BRD2: variants seen among roughly 807,000 people sequenced by gnomAD.
BRD2 encodes bromodomain containing 2, also known as bromodomain-containing protein 2.
Under a neutral mutation model 79.1 loss-of-function variants are expected in BRD2, and 15 were observed. That is an observed-to-expected ratio of 0.19 (90% CI 0.13 to 0.29). The LOEUF (loss-of-function observed/expected upper bound fraction) is 0.29, where lower values mean the gene tolerates loss of function less well. BRD2 is among the 10% of genes least tolerant of loss of function. BRD2 has a pLI of 1.00. For missense variants in BRD2, 1,053 were observed against 991.3 expected (o/e 1.06, Z -0.84); for synonymous variants, 488 against 358.6 (o/e 1.36, Z -4.08).
Position 32,976,635 on chromosome 6 carries a change from C to G in BRD2, c.899C>G (p.Ala300Gly), listed in dbSNP as rs745351919. The G allele has an allele frequency of 1.9e-6, 3 of 1,611,994 alleles. No individual in the cohort carries two copies. Among genetic ancestry groups the G allele is most frequent in the South Asian group, 1.1e-5 (1 of 91,092 alleles). The change falls in exon 7 of 13, where the codon GCT becomes GGT. Residue 300 changes from alanine (A) to glycine (G), a missense_variant. Ala to Gly is a moderately conservative substitution (Grantham distance 60, BLOSUM62 0). This residue lies in a region of BRD2 where 454 missense variants were observed against 430.5 expected (regional missense o/e 1.05). Coordinates refer to ENST00000374825, the MANE Select transcript of BRD2 (RefSeq NM_005104.4). ...GCCATCTTGGCTCCTGGTTCTCCAG[C>G]TAGCCCTCCTGGGAGTCTTGAGCCT... ...PTAILAPGSP[A>G]SPPGSLEPKA...
chr6:32,974,787 G>C (rs567942048), intron 3 of BRD2, 22 bp downstream of exon 3: 8 of 1,606,712 alleles, frequency 5.0e-6, no homozygotes, highest in South Asian at 3.3e-5. Context: ...CATTGGAGCC[G>C]GGGAGGTGTG....
intron 1 of BRD2, 198 bp downstream of exon 1, chr6:32,969,254 C>G: frequency 1.5e-6 from 1 of 647,072 alleles, no homozygotes; most frequent in South Asian, 1.6e-5. Flanking sequence ...GAATGGCCAG[C>G]CTCATGCCTC....
In BRD2 at chr6:32,975,432, A is replaced by T; in HGVS notation, c.382A>T (p.Arg128Trp). ...GCCTATGGACATGGGTACTATTAAG[A>T]GGAGACTTGAAAACAATTATTATTG... ...KQPMDMGTIK[R>W]RLENNYYWAA... Residue 128 changes from arginine (R) to tryptophan (W), a missense_variant, in exon 4 of 13, where the codon AGG becomes TGG. Arg to Trp is a moderately radical substitution (Grantham distance 101). Transcript: ENST00000374825. 1 of 1,611,300 alleles carries T rather than the reference A, an allele frequency of 6.2e-7. No homozygotes were observed. Among genetic ancestry groups the T allele is most frequent in the Non-Finnish European group, 8.5e-7 (1 of 1,178,512 alleles).
intron 2 of BRD2, among the ~76,000 whole-genome samples, chr6:32,974,240 A>G (rs1224982969): frequency 6.6e-6 from 1 of 152,198 alleles, no homozygotes; most frequent in African/African-American, 2.4e-5. Flanking sequence ...CAGACTTAAG[A>G]AGGTGGGATC....
At chr6:32,975,578 T>C (rs1778631490) in intron 4 of BRD2, 57 bp downstream of exon 4, 4 of 1,582,462 alleles carry the variant, frequency 2.5e-6, no homozygotes, top group South Asian at 2.2e-5. Flanking sequence ...CTTCTATTAT[T>C]GCTGGATATG....
rs986759853 is a variant in BRD2, at chr6:32,981,497, G to A, written c.*779G>A. ...TTTTAATAAAGTAAATATGACTTTT[G>A]TAAATTGAGTCCTTAGAAGTAATCT... On this transcript the variant is annotated 3_prime_UTR_variant, in exon 13 of 13. Coordinates refer to ENST00000374825, the MANE Select transcript of BRD2 (RefSeq NM_005104.4). The A allele has an allele frequency of 1.3e-5, 2 of 152,076 alleles. No individual in the cohort carries two copies. The highest frequency in any genetic ancestry group is 4.8e-5 in the African/African-American group (2 of 41,392). 9.4% of individuals were successfully genotyped at this position (152,076 alleles called of 1,614,324 possible).
rs1424491957 is a variant in BRD2 at position 32,971,869 on chromosome 6, C to T, written c.-1030C>T. The T allele has an allele frequency of 8.6e-6, 6 of 701,334 alleles. No homozygotes were observed. The highest frequency in any genetic ancestry group is 5.9e-5 in the South Asian group (4 of 67,496). 43.4% of individuals were successfully genotyped at this position (701,334 alleles called of 1,614,324 possible). On this transcript the variant is annotated 5_prime_UTR_variant, in exon 2 of 13. Transcript: ENST00000374825. ...TGGCTTCCGCACCTCTTCCAACCAC[C>T]CTCTTTCCCTGGAGTCGGCGGACCA...
chr6:32,969,103 C>G, intron 1 of BRD2, 47 bp downstream of exon 1: 1 of 515,238 alleles, frequency 1.9e-6, no homozygotes, highest in Non-Finnish European at 3.5e-6. Flanking sequence ...AAGTGCTTAA[C>G]CAATGGTGGG....
In BRD2 at chr6:32,972,006, C is replaced by T. The variant is rs116880340; in HGVS notation, c.-893C>T. 1,083 of 702,466 alleles carry T rather than the reference C, an allele frequency of 1.5e-3. 19 individuals carry two copies. The East Asian group carries it at 0.027, about 18-fold the overall frequency. 43.5% of individuals were successfully genotyped at this position (702,466 alleles called of 1,614,324 possible). A position where few individuals can be genotyped will look rare whatever the true frequency, so the allele number is the denominator to read the frequency against. On this transcript the variant is annotated 5_prime_UTR_variant, in exon 2 of 13. Coordinates refer to ENST00000374825, the MANE Select transcript of BRD2 (RefSeq NM_005104.4). ...TTGGAAATGAAGTTTATGACGTCAT[C>T]GTTGCGGCTGGCCAATAGAAAAAGC... is the stretch of plus-strand genomic sequence containing the variant.
At position 32,972,836 on chromosome 6, in the gene BRD2, A is replaced by G; in HGVS notation, c.-63A>G. The G allele has an allele frequency of 1.9e-6, 3 of 1,612,378 alleles. No homozygotes were observed. The South Asian group carries it at 3.3e-5, about 18-fold the overall frequency. ...GCGGGTTATGCTGGACCGGGCGGTG[A>G]GGGGAACCGAGGCCACCCGGACTTT... On this transcript the variant is annotated 5_prime_UTR_variant, in exon 2 of 13. Transcript: ENST00000374825.
intron 3 of BRD2, chr6:32,975,174 G>A (rs755209594): frequency 5.4e-5 from 75 of 1,393,412 alleles, no homozygotes; most frequent in Non-Finnish European, 6.5e-5. Context: ...GAGAAAGGCA[G>A]CAGGGGCCTC....
chr6:32,974,870 T>C (rs905633110), intron 3 of BRD2, 105 bp downstream of exon 3: 12 of 1,440,248 alleles, frequency 8.3e-6, no homozygotes, highest in Admixed American at 2.1e-5. Flanking sequence ...GGAGTTCCCA[T>C]TTCTCCCCTG....
rs753437677 is a variant in BRD2 at position 32,972,029 on chromosome 6, A to G, written c.-870A>G. 3 of 701,640 alleles carry G rather than the reference A, an allele frequency of 4.3e-6. No homozygotes were observed. The highest frequency in any genetic ancestry group is 2.6e-6 in the Non-Finnish European group (1 of 384,782). 43.5% of individuals were successfully genotyped at this position (701,640 alleles called of 1,614,324 possible). ...ATCGTTGCGGCTGGCCAATAGAAAA[A>G]GCTCCCGCGGAGAGGTGTTCCTTCC... is the stretch of plus-strand genomic sequence containing the variant. On this transcript the variant is annotated 5_prime_UTR_variant, in exon 2 of 13. Transcript: ENST00000374825.
At chr6:32,978,562 CCA>C in intron 10 of BRD2, 174 bp downstream of exon 10, 2 of 1,057,392 alleles carry the variant, frequency 1.9e-6, no homozygotes, top group South Asian at 1.6e-5. Flanking sequence ...ACAGATTTTA[CCA>C]CAGACAGGGT....
chr6:32,977,221 G>GC (rs777260725), intron 7 of BRD2: 2 of 1,521,022 alleles, frequency 1.3e-6, no homozygotes, highest in South Asian at 2.4e-5. Context: ...ACAGGCATAG[G>GC]CCACCTCTCT....
chr6:32,974,922 T>G (rs1021292069), intron 3 of BRD2, 157 bp downstream of exon 3: 15 of 1,396,406 alleles, frequency 1.1e-5, no homozygotes, highest in Non-Finnish European at 1.3e-5. Flanking sequence ...CTTGGTCCTT[T>G]GTGATTGATC....
chr6:32,972,694 A>G lies in BRD2; in HGVS notation c.-205A>G. 4 of 690,064 alleles carry G rather than the reference A, an allele frequency of 5.8e-6. No individual in the cohort carries two copies. In the South Asian group the frequency reaches 7.4e-5, roughly 13 times the overall value. 42.7% of individuals were successfully genotyped at this position (690,064 alleles called of 1,614,324 possible). A position where few individuals can be genotyped will look rare whatever the true frequency, so the allele number is the denominator to read the frequency against. ...CATTTTCTTGCTGTCCGCCGTCTGC[A>G]GAGCGCGCCAAGCTGCCCGGAGCTC... On this transcript the variant is annotated 5_prime_UTR_variant, in exon 2 of 13. Coordinates refer to ENST00000374825, the MANE Select transcript of BRD2 (RefSeq NM_005104.4).
chr6:32,973,199 C>T (rs1561930430), intron 2 of BRD2: 13 of 1,510,094 alleles, frequency 8.6e-6, no homozygotes, highest in South Asian at 2.4e-5. Context: ...GCTAGTTTGA[C>T]GGTGGAGTGG....
intron 2 of BRD2, among the ~76,000 whole-genome samples, chr6:32,973,503 T>A (rs1255765311): frequency 6.6e-6 from 1 of 152,102 alleles, no homozygotes; most frequent in African/African-American, 2.4e-5. Flanking sequence ...ACATTAAAAG[T>A]TTGATTCAGG....
Sources: gnomAD v4.1 joint callset for allele counts (sites outside exome capture counted in the v4.1 genomes callset) on GRCh38, gnomAD v4.1.1 for gene constraint, gnomAD v4.1.1 regional missense constraint, MANE v1.5 for transcripts, NCBI Gene and HGNC (gene_info 2026-07-23, HGNC 2026-07-21) for gene names.